Variants in TAFA1 observed in about 807,000 individuals in gnomAD.
TAFA1 encodes chemokine-like protein TAFA-1.
In TAFA1, 4 loss-of-function variants were observed where a neutral mutation model predicts 18.5. That is an observed-to-expected ratio of 0.22 (90% CI 0.11 to 0.49). The LOEUF (loss-of-function observed/expected upper bound fraction) is 0.49. TAFA1 is among the 20% of genes least tolerant of loss of function. The pLI is 0.98. For synonymous variants in TAFA1, 56 were observed against 55.2 expected, an observed-to-expected ratio of 1.01 and a Z score of -0.06; for missense variants, 147 against 169.0, an observed-to-expected ratio of 0.87 and a Z score of 0.72.
rs558324814 is a variant in TAFA1 at position 68,359,961 on chromosome 3, T to A, written c.119-57319T>A. ...ACAAAAATACAAGTGTGCTCCCTTATAAGATATTATATGAAGTGGGGTCAT... is the reference window on the plus strand; with the variant it reads ...ACAAAAATACAAGTGTGCTCCCTTAAAAGATATTATATGAAGTGGGGTCAT... On this transcript the variant is annotated intron_variant, in intron 2 of 4. Coordinates refer to ENST00000478136, the MANE Select transcript of TAFA1 (RefSeq NM_213609.4). Among the ~76,000 whole-genome samples, 135 of 152,120 alleles carry A rather than the reference T, an allele frequency of 8.9e-4. 3 individuals are homozygous for A. The highest frequency in any genetic ancestry group is 3.4e-3 in the Middle Eastern group (1 of 294).
chr3:68,137,677 C>T (rs896818854), intron 2 of TAFA1, among the ~76,000 whole-genome samples: 1 of 152,124 alleles, frequency 6.6e-6, no homozygotes. Context: ...ATATGGACGT[C>T]CTTTGAACCT....
intron 2 of TAFA1, among the ~76,000 whole-genome samples, chr3:68,360,850 T>C (rs1283568370): frequency 6.6e-6 from 1 of 152,022 alleles, no homozygotes; most frequent in Non-Finnish European, 1.5e-5. Context: ...TAATGAAAAC[T>C]AGAAGTTATT....
At chr3:68,345,047 A>AT (rs35659292) in intron 2 of TAFA1, among the ~76,000 whole-genome samples, 3 of 151,698 alleles carry the variant, frequency 2.0e-5, no homozygotes, top group African/African-American at 7.3e-5. Flanking sequence ...AAAAAAAAAA[A>AT]TTCAAGGAAA....
chr3:68,247,210 A>G (rs933850270), intron 2 of TAFA1: 2 of 152,192 alleles, frequency 1.3e-5, no homozygotes, highest in Admixed American at 6.5e-5. Context: ...ATGTTCCCTC[A>G]GATACTAACT....
At chr3:68,464,423 A>G (rs186801073) in intron 3 of TAFA1, among the ~76,000 whole-genome samples, 19 of 152,292 alleles carry the variant, frequency 1.2e-4, no homozygotes, top group African/African-American at 3.8e-4. Flanking sequence ...AGATACTTGG[A>G]ATGGACAAGG....
chr3:68,115,231 G>GTTT (rs2065310896), intron 2 of TAFA1, among the ~76,000 whole-genome samples: 11 of 152,118 alleles, frequency 7.2e-5, no homozygotes, highest in Admixed American at 7.2e-4. Flanking sequence ...GTGCACTTAT[G>GTTT]TGTTATGCAC....
intron 2 of TAFA1, among the ~76,000 whole-genome samples, chr3:68,198,868 T>C (rs938344267): frequency 1.3e-5 from 2 of 151,576 alleles, no homozygotes; most frequent in African/African-American, 4.8e-5. Context: ...ACATTTTTAA[T>C]TTTAATGAAA....
chr3:68,299,694 G>A (rs527679223), intron 2 of TAFA1, among the ~76,000 whole-genome samples: 2 of 152,302 alleles, frequency 1.3e-5, no homozygotes, highest in Admixed American at 1.3e-4. Context: ...AGGCCTAGGA[G>A]GAAAAAATAC....
At chr3:68,045,737 G>GT (rs1705254674) in intron 2 of TAFA1, among the ~76,000 whole-genome samples, 1 of 152,260 alleles carries the variant, frequency 6.6e-6, no homozygotes, top group South Asian at 2.1e-4. Flanking sequence ...CACAGATGAT[G>GT]TGTATGTATT....
In TAFA1 at chr3:68,428,924, C is replaced by T. The variant is rs547924132; in HGVS notation, c.259+11504C>T. ...GATGCCTCTTCTCATCAATGTCTCC[C>T]GGGTACAAGAAACCTAAACCTTCTC... On this transcript the variant is annotated intron_variant, in intron 3 of 4. Coordinates refer to ENST00000478136, the MANE Select transcript of TAFA1 (RefSeq NM_213609.4). Among the ~76,000 whole-genome samples, 201 of 151,972 alleles carry T rather than the reference C, an allele frequency of 1.3e-3. 2 individuals carry two copies. The South Asian group carries it at 0.026, about 19-fold the overall frequency.
chr3:68,001,118 A>ATT (rs1435086988), upstream of TAFA1, among the ~76,000 whole-genome samples: 4 of 152,222 alleles, frequency 2.6e-5, no homozygotes, highest in Non-Finnish European at 5.9e-5. Context: ...AAAAATATAC[A>ATT]TGTATTGCTT....
chr3:68,289,408 C>T (rs1288961505), intron 2 of TAFA1, among the ~76,000 whole-genome samples: 1 of 140,028 alleles, frequency 7.1e-6, no homozygotes, highest in African/African-American at 2.6e-5. Context: ...AGATAGTCTC[C>T]ATTATTATTT....
At chr3:68,093,033 A>C (rs895087935) in intron 2 of TAFA1, among the ~76,000 whole-genome samples, 10 of 152,134 alleles carry the variant, frequency 6.6e-5, no homozygotes, top group African/African-American at 2.2e-4. Flanking sequence ...AATAAATGAA[A>C]TTCACTTTAT....
chr3:68,402,606 T>A lies in TAFA1; in HGVS notation c.119-14674T>A, dbSNP rs76696981. On this transcript the variant is annotated intron_variant, in intron 2 of 4. Transcript: ENST00000478136. The stretch of plus-strand genomic sequence containing the variant: ...ACTGTTTGCCTTCTTTTCTCCTAAA[T>A]GTGTGTTTTCTGATCTCTCTGGCTG... Among the ~76,000 whole-genome samples, 50 of 152,300 alleles carry A rather than the reference T, an allele frequency of 3.3e-4. No homozygotes were observed. In the East Asian group the frequency reaches 9.5e-3, roughly 29 times the overall value.
intron 2 of TAFA1, among the ~76,000 whole-genome samples, chr3:68,332,098 C>T (rs766017160): frequency 4.7e-4 from 71 of 151,630 alleles, no homozygotes; most frequent in Non-Finnish European, 8.0e-4. Context: ...CTCCTGACCT[C>T]GTGATCCGCC....
chr3:68,197,327 A>C (rs2066421811), intron 2 of TAFA1, among the ~76,000 whole-genome samples: 1 of 151,756 alleles, frequency 6.6e-6, no homozygotes, highest in African/African-American at 2.4e-5. Context: ...AAAATTATGA[A>C]ATGAAAGAGA....
At chr3:68,389,238 A>G (rs2070172785) in intron 2 of TAFA1, among the ~76,000 whole-genome samples, 1 of 152,214 alleles carries the variant, frequency 6.6e-6, no homozygotes, top group African/African-American at 2.4e-5. Context: ...CAACTTAAAT[A>G]TAATATGTAT....
intron 2 of TAFA1, among the ~76,000 whole-genome samples, chr3:68,055,606 G>A (rs1172041286): frequency 6.6e-6 from 1 of 151,922 alleles, no homozygotes; most frequent in East Asian, 1.9e-4. Context: ...CATCTCCCAA[G>A]GCTGCCTCCT....
chr3:68,145,945 A>G (rs1480406525), intron 2 of TAFA1, among the ~76,000 whole-genome samples: 2 of 152,180 alleles, frequency 1.3e-5, no homozygotes, highest in Admixed American at 1.3e-4. Context: ...CCCGGGGGAC[A>G]TGGTCCACCT....
Sources: allele counts gnomAD v4.1 joint callset (sites outside exome capture counted in the v4.1 genomes callset), GRCh38; gene constraint gnomAD v4.1.1; transcripts MANE v1.5; gene names NCBI Gene and HGNC (gene_info 2026-07-23, HGNC 2026-07-21).